CREB3L2: variants seen among roughly 807,000 people sequenced by gnomAD.
The protein encoded by CREB3L2 is cAMP responsive element binding protein 3 like 2, also known as cyclic AMP-responsive element-binding protein 3-like protein 2.
CREB3L2 carries 23 observed loss-of-function variants against 57.2 expected under a neutral mutation model. The observed-to-expected ratio is 0.40, with a 90% CI of 0.29 to 0.57. CREB3L2 has a LOEUF of 0.57. Among genes scored for constraint, CREB3L2 ranks in the 20% least tolerant of loss-of-function variants. The pLI, the probability that CREB3L2 is intolerant of heterozygous loss-of-function variation, is 0.42. For synonymous variants in CREB3L2, 268 were observed against 265.1 expected (o/e 1.01, Z -0.11); for missense variants, 628 against 634.7 (o/e 0.99, Z 0.11).
chr7:137,969,062 G>T (rs1387097900), intron 1 of CREB3L2, among the ~76,000 whole-genome samples: 2 of 152,216 alleles, frequency 1.3e-5, no homozygotes, highest in African/African-American at 4.8e-5. Flanking sequence ...CTGTGGGGCT[G>T]CTTAGTCAGG....
rs544061559 is a variant in CREB3L2 at position 137,899,335 on chromosome 7, G to A, written c.1043+2019C>T. Among the ~76,000 whole-genome samples, 9 of 152,310 alleles carry A rather than the reference G, an allele frequency of 5.9e-5. No individual in the cohort carries two copies. The East Asian group carries it at 1.5e-3, about 26-fold the overall frequency. On this transcript the variant is annotated intron_variant, in intron 8 of 11. Transcript: ENST00000330387. The stretch of plus-strand genomic sequence containing the variant: ...AAGGCCTGACACGGAGCCTGTAGAG[G>A]ACGAAACCTGAACACAAACTCCAAG...
At chr7:137,991,907 C>CA (rs5887864) in intron 1 of CREB3L2, among the ~76,000 whole-genome samples, 33 of 136,702 alleles carry the variant, frequency 2.4e-4, no homozygotes, top group East Asian at 4.3e-4. Flanking sequence ...GACTCTGCCT[C>CA]AAAAAAAAAA....
chr7:137,932,577 AAACAACAAC>A (rs564690931), intron 1 of CREB3L2, among the ~76,000 whole-genome samples: 9 of 152,032 alleles, frequency 5.9e-5, no homozygotes, highest in African/African-American at 1.7e-4. Flanking sequence ...TACAAAAAAT[AAACAACAAC>A]AACAACAACA....
chr7:137,971,443 C>T (rs1373791874), intron 1 of CREB3L2, among the ~76,000 whole-genome samples: 1 of 137,970 alleles, frequency 7.2e-6, no homozygotes, highest in Non-Finnish European at 1.6e-5. Flanking sequence ...GAGCGAGACT[C>T]CGTCTCAAAA....
At position 137,933,970 on chromosome 7, in the gene CREB3L2, G is replaced by C. The variant is rs187600041; in HGVS notation, c.103-5604C>G. 1.7e-3 allele frequency: 252 copies of C among 152,372 alleles called. 1 individual carries two copies. Among genetic ancestry groups the C allele is most frequent in the African/African-American group, 5.7e-3 (239 of 41,592 alleles). The allele number at this position is 152,372 out of a possible 1,614,324, so 9.4% of individuals were successfully genotyped here. A position where few individuals can be genotyped will look rare whatever the true frequency, so the allele number is the denominator to read the frequency against. ...AGAAAGGAGCAAAGTGAGCCTCGAGGAGGAAGCCTTTCTGGATACTGCAAA... is the reference window on the plus strand; with the variant it reads ...AGAAAGGAGCAAAGTGAGCCTCGAGCAGGAAGCCTTTCTGGATACTGCAAA... On this transcript the variant is annotated intron_variant, in intron 1 of 11. Transcript: ENST00000330387.
chr7:137,981,204 G>C (rs1290814832), intron 1 of CREB3L2, among the ~76,000 whole-genome samples: 2 of 152,122 alleles, frequency 1.3e-5, no homozygotes, highest in African/African-American at 4.8e-5. Context: ...AGACAAAAAG[G>C]GAAAGAGAAG....
intron 1 of CREB3L2, among the ~76,000 whole-genome samples, chr7:137,997,437 G>A (rs986180693): frequency 3.3e-5 from 5 of 152,016 alleles, no homozygotes; most frequent in African/African-American, 1.2e-4. Context: ...ATTGCAAAAG[G>A]GGGCTGAGCA....
intron 2 of CREB3L2, among the ~76,000 whole-genome samples, chr7:137,918,330 A>C (rs1326017022): frequency 6.6e-6 from 1 of 152,178 alleles, no homozygotes; most frequent in African/African-American, 2.4e-5. Flanking sequence ...AGCTGGAATT[A>C]CAGGTACACG....
intron 1 of CREB3L2, chr7:137,953,633 A>G (rs1179693448): frequency 2.6e-6 from 2 of 768,666 alleles, no homozygotes; most frequent in Non-Finnish European, 3.9e-6. Flanking sequence ...TTTCACTTGC[A>G]TTGTGTTTTA....
intron 1 of CREB3L2, among the ~76,000 whole-genome samples, chr7:137,977,091 C>T (rs1007234242): frequency 2.0e-5 from 3 of 152,156 alleles, no homozygotes; most frequent in African/African-American, 7.2e-5. Flanking sequence ...CCTGAGCTTC[C>T]ACACTTAAAC....
intron 8 of CREB3L2, among the ~76,000 whole-genome samples, chr7:137,899,338 G>A (rs1202959224): frequency 6.6e-6 from 1 of 152,184 alleles, no homozygotes; most frequent in Non-Finnish European, 1.5e-5. Flanking sequence ...TGTAGAGGAC[G>A]AAACCTGAAC....
Position 137,972,728 on chromosome 7 carries a change from TATATATATAGAGAGAGAG to T in CREB3L2, c.102+28858_102+28875del, listed in dbSNP as rs1413415020. Among the ~76,000 whole-genome samples, 49 of 29,774 alleles carry T rather than the reference TATATATATAGAGAGAGAG, an allele frequency of 1.6e-3. 2 individuals carry two copies. The highest frequency in any genetic ancestry group is 0.021 in the Middle Eastern group (1 of 48). 19.5% of individuals were successfully genotyped at this position (29,774 alleles called of 152,430 possible). On this transcript the variant is annotated intron_variant, in intron 1 of 11. Transcript: ENST00000330387. ...AAAAAAAAAAATATATATATATATA[TATATATATAGAGAGAGAG>T]AGAGAGAGAGAGAGAGAGAGAGAGA...
At chr7:137,931,322 A>C (rs1800613577) in intron 1 of CREB3L2, among the ~76,000 whole-genome samples, 1 of 151,612 alleles carries the variant, frequency 6.6e-6, no homozygotes, top group South Asian at 2.1e-4. Context: ...GGAGATCGAG[A>C]CCATCCTGGC....
chr7:137,982,338 G>A (rs1801724540), intron 1 of CREB3L2, among the ~76,000 whole-genome samples: 1 of 152,156 alleles, frequency 6.6e-6, no homozygotes, highest in Admixed American at 6.5e-5. Flanking sequence ...ACCGCCATGA[G>A]TCCTTGGGAA....
In CREB3L2 at chr7:137,875,214, A is replaced by G. The variant is rs1799121947; in HGVS notation, c.*5262T>C. 1 of 214,864 alleles carries G rather than the reference A, an allele frequency of 4.7e-6. No homozygotes were observed. The highest frequency in any genetic ancestry group is 5.9e-5 in the Admixed American group (1 of 17,082). 13.3% of individuals were successfully genotyped at this position (214,864 alleles called of 1,614,324 possible). A position where few individuals can be genotyped will look rare whatever the true frequency, so the allele number is the denominator to read the frequency against. The stretch of plus-strand genomic sequence containing the variant: ...ACTGCTGGTCTACGTAACCTGTTAC[A>G]AAAGAGAGCAAAACCTAACTGTCAG... On this transcript the variant is annotated 3_prime_UTR_variant, in exon 12 of 12. Transcript: ENST00000330387.
chr7:137,882,608 T>A lies in CREB3L2; in HGVS notation c.1291A>T (p.Ile431Phe). The A allele has an allele frequency of 6.2e-7, 1 of 1,605,564 alleles. No homozygotes were observed. Among genetic ancestry groups the A allele is most frequent in the South Asian group, 1.1e-5 (1 of 90,386 alleles). ...ASVVRSRNLL[I>F]YEEHSPPEES... Reference sequence around the variant, plus strand: ...TCTGGGGGAGAATGTTCCTCGTAGATCAGCAGGTTTCTGGATCTCACTGAG... The same window carrying A: ...TCTGGGGGAGAATGTTCCTCGTAGAACAGCAGGTTTCTGGATCTCACTGAG... The change falls in exon 11 of 12, where the codon ATC becomes TTC. Residue 431 changes from isoleucine (I) to phenylalanine (F), a missense_variant. Ile to Phe is a conservative substitution (Grantham distance 21, BLOSUM62 0). Around this residue, in one of 3 missense-constraint regions of CREB3L2, gnomAD observed 272 missense variants for 242.7 expected, o/e 1.12. Coordinates refer to ENST00000330387, the MANE Select transcript of CREB3L2 (RefSeq NM_194071.4).
At chr7:137,943,053 C>A (rs1409225949) in intron 1 of CREB3L2, among the ~76,000 whole-genome samples, 3 of 152,252 alleles carry the variant, frequency 2.0e-5, no homozygotes, top group African/African-American at 7.2e-5. Flanking sequence ...TTGTTTGGAA[C>A]CAAAACGCTT....
At chr7:137,968,929 A>C (rs1423854529) in intron 1 of CREB3L2, among the ~76,000 whole-genome samples, 1 of 152,210 alleles carries the variant, frequency 6.6e-6, no homozygotes. Context: ...AGGGGCAAAA[A>C]GAAAATGAGG....
chr7:137,901,889 A>AAAAAAAAAAG (rs1193862745), intron 7 of CREB3L2, among the ~76,000 whole-genome samples: 4 of 148,626 alleles, frequency 2.7e-5, no homozygotes, highest in Admixed American at 6.7e-5. Context: ...AAAAAAAAAA[A>AAAAAAAAAAG]AAAGAAAAAT....
Sources: allele counts gnomAD v4.1 joint callset (sites outside exome capture counted in the v4.1 genomes callset), GRCh38; gene constraint gnomAD v4.1.1; regional missense constraint gnomAD v4.1.1; transcripts MANE v1.5; gene names NCBI Gene and HGNC (gene_info 2026-07-23, HGNC 2026-07-21).